The following KLHL14 variants were observed in gnomAD, a reference collection of about 807,000 sequenced individuals.
The protein encoded by KLHL14 is kelch like family member 14.
KLHL14 carries 22 observed loss-of-function variants against 64.3 expected under a neutral mutation model. The ratio of observed to expected loss-of-function variants is 0.34; its 90% CI spans 0.24 to 0.49. The LOEUF is 0.49. Ranked by LOEUF, KLHL14 falls within the 20% of genes least tolerant of loss-of-function variation. The pLI, the probability that KLHL14 is intolerant of heterozygous loss-of-function variation, is 0.99. For missense variants in KLHL14, 661 were observed against 789.0 expected (o/e 0.84, Z 1.94); for synonymous variants, 322 against 333.4 (o/e 0.97, Z 0.37).
chr18:32,700,763 AATG>A (rs1315241003), intron 3 of KLHL14, among the ~76,000 whole-genome samples: 1 of 152,120 alleles, frequency 6.6e-6, no homozygotes, highest in African/African-American at 2.4e-5. Flanking sequence ...TTTTGTTTCA[AATG>A]ATAAGTGCAA....
intron 4 of KLHL14, among the ~76,000 whole-genome samples, chr18:32,691,801 C>G (rs1270218683): frequency 6.6e-6 from 1 of 152,152 alleles, no homozygotes; most frequent in Non-Finnish European, 1.5e-5. Flanking sequence ...TCTGTTTTTT[C>G]TCATCCTTTT....
chr18:32,695,392 G>T, intron 4 of KLHL14, 71 bp downstream of exon 4: 2 of 915,186 alleles, frequency 2.2e-6, no homozygotes, highest in Admixed American at 1.8e-5. Context: ...ATTACAAAAT[G>T]GACTGCTACT....
chr18:32,771,962 G>A (rs1246031152), intron 1 of KLHL14: 4 of 177,144 alleles, frequency 2.3e-5, no homozygotes, highest in Non-Finnish European at 4.7e-5. Context: ...TAAAAAGTCT[G>A]AGCCGCCCGC....
intron 7 of KLHL14, among the ~76,000 whole-genome samples, chr18:32,678,233 G>A (rs1025467453): frequency 6.6e-6 from 1 of 152,120 alleles, no homozygotes; most frequent in African/African-American, 2.4e-5. Flanking sequence ...TGCTCACCAA[G>A]CAGGTCAAAC....
chr18:32,759,428 A>G (rs976767712), intron 2 of KLHL14, among the ~76,000 whole-genome samples: 1 of 152,200 alleles, frequency 6.6e-6, no homozygotes, highest in African/African-American at 2.4e-5. Context: ...TCCTATAAAA[A>G]TCCAAGCTAT....
rs2049856603 is a variant in KLHL14, at chr18:32,683,884, T to C, written c.1238+3271A>G. On this transcript the variant is annotated intron_variant, in intron 5 of 8. Coordinates refer to ENST00000359358, the MANE Select transcript of KLHL14 (RefSeq NM_020805.3). This position sits in a 1 kb window ranked among gnomAD's most constrained non-coding sequence, Gnocchi z 4.2. ...AATGGATATGTTAGAAAGAATATTG[T>C]CTCCCATTGTTTCTTGTAACACAAA... 6.6e-6 allele frequency among the ~76,000 whole-genome samples: 1 copy of C among 152,164 alleles called. No individual in the cohort carries two copies. Among genetic ancestry groups the C allele is most frequent in the African/African-American group, 2.4e-5 (1 of 41,438 alleles).
Position 32,769,803 on chromosome 18 carries a change from G to T in KLHL14, c.789C>A (p.Arg263=), listed in dbSNP as rs768178893. ...GGGCCGGGATGAGGGCGAAGCGGAG[G>T]CGCTTCATGAGGTCAGGCGCATACT... is the stretch of plus-strand genomic sequence containing the variant. ...RMQYAPDLMK[R]LRFALIPAPE... is the part of the protein sequence containing the mutation. The change falls in exon 2 of 9, where the codon CGC becomes CGA. Residue 263 remains arginine, a synonymous_variant. Coordinates refer to ENST00000359358, the MANE Select transcript of KLHL14 (RefSeq NM_020805.3). 4 of 1,611,528 alleles carry T rather than the reference G, an allele frequency of 2.5e-6. No individual in the cohort carries two copies. The highest frequency in any genetic ancestry group is 2.5e-6 in the Non-Finnish European group (3 of 1,178,354).
chr18:32,730,926 G>A (rs1488060116), intron 3 of KLHL14, among the ~76,000 whole-genome samples: 1 of 152,190 alleles, frequency 6.6e-6, no homozygotes, highest in African/African-American at 2.4e-5. Flanking sequence ...GCGGTCGTCT[G>A]CCTTGACAAC....
chr18:32,674,901 C>G (rs1239003089), intron 8 of KLHL14, 104 bp from the exon 9 acceptor site: 2 of 619,948 alleles, frequency 3.2e-6, no homozygotes, highest in African/African-American at 3.6e-5. Flanking sequence ...AATATCTGTT[C>G]TCCATTCTTG....
chr18:32,726,061 T>C (rs984525150), intron 3 of KLHL14, among the ~76,000 whole-genome samples: 2 of 152,244 alleles, frequency 1.3e-5, no homozygotes, highest in Non-Finnish European at 2.9e-5. Context: ...GTGAGTGAAG[T>C]AGTCATGACC....
rs774543842 is a variant in KLHL14 at position 32,770,169 on chromosome 18, G to A, written c.423C>T (p.Tyr141=). The change falls in exon 2 of 9, where the codon TAC becomes TAT. Residue 141 remains tyrosine, a synonymous_variant. Coordinates refer to ENST00000359358, the MANE Select transcript of KLHL14 (RefSeq NM_020805.3). This position sits in a 1 kb window ranked among gnomAD's most constrained non-coding sequence, Gnocchi z 6.7. ...ACAGGGTCACGTTGGCCGTGTAGAGGTACTCGAGCACCAGGCGCAGCCCGA... is the reference window on the plus strand; with the variant it reads ...ACAGGGTCACGTTGGCCGTGTAGAGATACTCGAGCACCAGGCGCAGCCCGA... The part of the protein sequence containing the change: ...SSIGLRLVLE[Y]LYTANVTLSL... The A allele has an allele frequency of 1.9e-6, 3 of 1,613,920 alleles. No individual in the cohort carries two copies. The highest frequency in any genetic ancestry group is 2.5e-6 in the Non-Finnish European group (3 of 1,179,850).
At chr18:32,729,787 A>G (rs925068645) in intron 3 of KLHL14, among the ~76,000 whole-genome samples, 4 of 152,244 alleles carry the variant, frequency 2.6e-5, no homozygotes, top group East Asian at 1.9e-4. Context: ...ATAAGGTCAC[A>G]TTCATAGGTA....
intron 3 of KLHL14, among the ~76,000 whole-genome samples, chr18:32,701,007 A>C (rs2049963794): frequency 6.6e-6 from 1 of 152,168 alleles, no homozygotes; most frequent in Non-Finnish European, 1.5e-5. Flanking sequence ...ATCTGAGATG[A>C]AGTTGAGGAG....
At chr18:32,753,360 A>G (rs998907861) in intron 2 of KLHL14, among the ~76,000 whole-genome samples, 3 of 152,098 alleles carry the variant, frequency 2.0e-5, no homozygotes, top group South Asian at 2.1e-4. Context: ...TGCTTTACAC[A>G]TTGCAATTTT....
intron 3 of KLHL14, among the ~76,000 whole-genome samples, chr18:32,727,214 T>C (rs929968008): frequency 6.6e-6 from 1 of 152,200 alleles, no homozygotes; most frequent in African/African-American, 2.4e-5. Context: ...TTAAACAAAG[T>C]ATGGGAAACT....
intron 3 of KLHL14, among the ~76,000 whole-genome samples, chr18:32,717,581 G>C (rs1009292981): frequency 6.6e-6 from 1 of 152,244 alleles, no homozygotes; most frequent in Non-Finnish European, 1.5e-5. Context: ...TTGGAGTTGG[G>C]TATTTTGTCC....
At chr18:32,674,995 A>G (rs555783485) in intron 8 of KLHL14, among the ~76,000 whole-genome samples, 198 bp from the exon 9 acceptor site, 1 of 152,256 alleles carries the variant, frequency 6.6e-6, no homozygotes, top group South Asian at 2.1e-4. Flanking sequence ...TTCAAAAAAA[A>G]TTTTTTTGTG....
chr18:32,734,886 G>GTC (rs72331547), intron 3 of KLHL14, among the ~76,000 whole-genome samples: 1 of 150,856 alleles, frequency 6.6e-6, no homozygotes, highest in Non-Finnish European at 1.5e-5. Context: ...ATGTTACTCT[G>GTC]TGTGTGTGTG....
intron 4 of KLHL14, among the ~76,000 whole-genome samples, chr18:32,689,518 T>C (rs1240387383): frequency 6.6e-6 from 1 of 152,166 alleles, no homozygotes; most frequent in African/African-American, 2.4e-5. Context: ...GATGAAAGCC[T>C]GAGTGCAGAC....
Sources: gnomAD v4.1 joint callset for allele counts (sites outside exome capture counted in the v4.1 genomes callset) on GRCh38, gnomAD v4.1.1 for gene constraint, Gnocchi (gnomAD v3.1) non-coding constraint, MANE v1.5 for transcripts, NCBI Gene and HGNC (gene_info 2026-07-23, HGNC 2026-07-21) for gene names.